STX8: variants seen among roughly 807,000 people sequenced by gnomAD.
STX8 encodes syntaxin 8, also known as syntaxin-8.
In STX8, 23 loss-of-function variants were observed where a neutral mutation model predicts 37.5. That is an observed-to-expected ratio of 0.61 (90% confidence interval 0.44 to 0.87). The LOEUF (loss-of-function observed/expected upper bound fraction) is 0.87. Among genes scored for constraint, STX8 ranks in the 40% least tolerant of loss-of-function variants. The pLI, the probability that STX8 is intolerant of heterozygous loss-of-function variation, is 0.00. For synonymous variants in STX8, 115 were observed against 99.1 expected (o/e 1.16, Z -0.95); for missense variants, 313 against 284.7 (o/e 1.10, Z -0.71).
chr17:9,352,800 G>C (rs754398147), intron 7 of STX8, among the ~76,000 whole-genome samples: 2 of 151,964 alleles, frequency 1.3e-5, no homozygotes, highest in African/African-American at 2.4e-5. Context: ...CTGTGGATAC[G>C]CAAACTCATG....
chr17:9,261,184 A>G (rs1250839164), intron 7 of STX8, among the ~76,000 whole-genome samples: 3 of 152,166 alleles, frequency 2.0e-5, no homozygotes, highest in Non-Finnish European at 1.5e-5. Flanking sequence ...GTGGCCGTGG[A>G]GCAGCAGTCA....
chr17:9,368,541 GC>G (rs1200529249), intron 7 of STX8, among the ~76,000 whole-genome samples: 2 of 152,010 alleles, frequency 1.3e-5, no homozygotes, highest in African/African-American at 2.4e-5. Context: ...CCAACACCCA[GC>G]CCCCTGCCTT....
At chr17:9,557,345 A>C in intron 3 of STX8, 89 bp downstream of exon 3, 1 of 1,108,416 alleles carries the variant, frequency 9.0e-7, no homozygotes, top group Non-Finnish European at 1.3e-6. Context: ...CTGTGGGAAA[A>C]TCTGGGTGGC....
intron 5 of STX8, among the ~76,000 whole-genome samples, chr17:9,494,161 G>A (rs901756423): frequency 4.6e-5 from 7 of 151,658 alleles, no homozygotes; most frequent in Non-Finnish European, 1.0e-4. Context: ...GACTACAGGC[G>A]CCCGCCACCA....
intron 6 of STX8, among the ~76,000 whole-genome samples, chr17:9,469,544 G>A (rs1905760892): frequency 6.6e-6 from 1 of 152,120 alleles, no homozygotes; most frequent in Non-Finnish European, 1.5e-5. Flanking sequence ...TTGCTTCAAG[G>A]ACAAACTCTC....
chr17:9,422,033 TC>T (rs948080453), intron 6 of STX8, among the ~76,000 whole-genome samples: 59 of 152,176 alleles, frequency 3.9e-4, no homozygotes, highest in African/African-American at 1.4e-3. Flanking sequence ...GAGCCATGCT[TC>T]CTGTAGAGCC....
chr17:9,511,682 C>G (rs781292595), intron 4 of STX8, among the ~76,000 whole-genome samples: 3 of 152,066 alleles, frequency 2.0e-5, no homozygotes, highest in Admixed American at 6.6e-5. Flanking sequence ...AACTAGAAGA[C>G]AAGGATGCCC....
rs867008905 is a variant in STX8 at position 9,575,801 on chromosome 17, G to C, written c.8C>G (p.Pro3Arg). 9.1e-6 allele frequency: 14 copies of C among 1,542,696 alleles called. No homozygotes were observed. In the Admixed American group the frequency reaches 2.2e-4, roughly 24 times the overall value. The change falls in exon 1 of 8, where the codon CCG (proline) becomes CGG (arginine). Residue 3 changes from proline (P) to arginine (R), a missense_variant. By Grantham distance (103) the Pro-to-Arg change is moderately radical (BLOSUM62 -2). Transcript: ENST00000306357. Reference sequence around the variant, plus strand: ...CTCACCCGGGACTCACCAGGGGTCCGGTGCCATCCTGCAGACTCCGCCCGC... The same window carrying C: ...CTCACCCGGGACTCACCAGGGGTCCCGTGCCATCCTGCAGACTCCGCCCGC... MA[P>R]DPWFSTYDST...
At chr17:9,293,928 ATTTTT>A (rs368515734) in intron 7 of STX8, among the ~76,000 whole-genome samples, 1 of 149,554 alleles carries the variant, frequency 6.7e-6, no homozygotes, top group Admixed American at 6.7e-5. Flanking sequence ...CGCCTGGCTA[ATTTTT>A]TTTTTGTATT....
At chr17:9,298,348 G>A (rs1908641390) in intron 7 of STX8, among the ~76,000 whole-genome samples, 1 of 152,154 alleles carries the variant, frequency 6.6e-6, no homozygotes, top group African/African-American at 2.4e-5. Context: ...GCACCCACAG[G>A]CACAGGAGAG....
chr17:9,327,274 G>GGAAGAAGGAAGAAAGAA (rs1567785015), intron 7 of STX8, among the ~76,000 whole-genome samples: 230 of 147,894 alleles, frequency 1.6e-3, no homozygotes, highest in African/African-American at 4.8e-3. Flanking sequence ...GGAGGAAGGA[G>GGAAGAAGGAAGAAAGAA]GAAGAAGGAA....
intron 7 of STX8, among the ~76,000 whole-genome samples, chr17:9,313,871 C>T (rs943339344): frequency 6.6e-6 from 1 of 152,182 alleles, no homozygotes; most frequent in African/African-American, 2.4e-5. Context: ...ACCTCGTGAT[C>T]CACCTGCCTC....
chr17:9,444,951 C>T (rs1398104084), intron 6 of STX8, among the ~76,000 whole-genome samples: 1 of 152,168 alleles, frequency 6.6e-6, no homozygotes, highest in Admixed American at 6.6e-5. Context: ...GATTGATCAC[C>T]AGCTGGGAAG....
At chr17:9,399,865 CAAAAA>C in intron 6 of STX8, among the ~76,000 whole-genome samples, 1 of 98,382 alleles carries the variant, frequency 1.0e-5, no homozygotes, top group Non-Finnish European at 2.2e-5. Context: ...GACTCTGTCT[CAAAAA>C]AAAAAAAAAA....
At chr17:9,348,123 A>G (rs1173087341) in intron 7 of STX8, among the ~76,000 whole-genome samples, 1 of 152,128 alleles carries the variant, frequency 6.6e-6, no homozygotes, top group Non-Finnish European at 1.5e-5. Context: ...TTACATATGA[A>G]CATTGTAGAA....
At chr17:9,265,239 A>G (rs1907194871) in intron 7 of STX8, among the ~76,000 whole-genome samples, 1 of 152,238 alleles carries the variant, frequency 6.6e-6, no homozygotes, top group Admixed American at 6.5e-5. Flanking sequence ...GATGTCCTAA[A>G]GAGTCAAAGT....
intron 6 of STX8, among the ~76,000 whole-genome samples, chr17:9,429,506 A>C (rs1913769235): frequency 7.0e-6 from 1 of 143,480 alleles, no homozygotes. Flanking sequence ...GATCAAGACC[A>C]TCCTGGCTAA....
At chr17:9,422,743 A>C (rs1329064585) in intron 6 of STX8, among the ~76,000 whole-genome samples, 1 of 152,252 alleles carries the variant, frequency 6.6e-6, no homozygotes, top group Admixed American at 6.5e-5. Context: ...AACACAGATC[A>C]CACGGCCTGG....
chr17:9,533,540 A>G (rs1597728017), intron 4 of STX8, among the ~76,000 whole-genome samples: 1 of 152,226 alleles, frequency 6.6e-6, no homozygotes, highest in Non-Finnish European at 1.5e-5. Context: ...GACAAGTGAT[A>G]GGTGTAAACA....
Sources: allele counts gnomAD v4.1 joint callset (sites outside exome capture counted in the v4.1 genomes callset), GRCh38; gene constraint gnomAD v4.1.1; transcripts MANE v1.5; gene names NCBI Gene and HGNC (gene_info 2026-07-23, HGNC 2026-07-21).